The following MYZAP variants were observed in gnomAD, a reference collection of about 807,000 sequenced individuals.
MYZAP encodes GRINL1A complex locus upstream.
A neutral mutation model predicts 69.4 loss-of-function variants in MYZAP; 66 were observed. The observed-to-expected ratio is 0.95, with a 90% CI of 0.78 to 1.17. The LOEUF is 1.17. MYZAP is among the 50% of genes most tolerant of loss of function. MYZAP has a pLI of 0.00. For missense variants in MYZAP, 611 were observed against 556.2 expected (o/e 1.10, Z -0.99); for synonymous variants, 256 against 205.9 (o/e 1.24, Z -2.09).
At position 57,657,735 on chromosome 15, in the gene MYZAP, A is replaced by G. The variant is rs934589850; in HGVS notation, c.1120-3715A>G. On this transcript the variant is annotated intron_variant, in intron 10 of 12. Coordinates refer to ENST00000267853, the MANE Select transcript of MYZAP (RefSeq NM_001018100.5). ...ATCTTTATATATAGAGCTTTTTCCTATGTTTGAATTATATCCTTAGGATAA... is the reference window on the plus strand; with the variant it reads ...ATCTTTATATATAGAGCTTTTTCCTGTGTTTGAATTATATCCTTAGGATAA... Among the ~76,000 whole-genome samples the G allele has an allele frequency of 2.1e-4, 32 of 152,118 alleles. 1 individual carries two copies. Among genetic ancestry groups the G allele is most frequent in the African/African-American group, 7.5e-4 (31 of 41,420 alleles).
chr15:57,607,058 A>G (rs2034798738), intron 2 of MYZAP, among the ~76,000 whole-genome samples: 1 of 152,196 alleles, frequency 6.6e-6, no homozygotes. Context: ...TTTAGAGCTA[A>G]TGGCTTGGTC....
chr15:57,670,290 C>T (rs1192002547), intron 11 of MYZAP, among the ~76,000 whole-genome samples: 6 of 151,984 alleles, frequency 3.9e-5, no homozygotes, highest in Non-Finnish European at 7.4e-5. Context: ...GGTATATACA[C>T]ATTTTTGTTA....
At chr15:57,606,491 C>A (rs1324489864) in intron 2 of MYZAP, among the ~76,000 whole-genome samples, 1 of 145,392 alleles carries the variant, frequency 6.9e-6, no homozygotes, top group African/African-American at 2.6e-5. Context: ...ATGAGTGAAC[C>A]TGGATTAGAT....
intron 5 of MYZAP, among the ~76,000 whole-genome samples, chr15:57,626,269 C>T (rs1466206765): frequency 1.3e-5 from 2 of 152,142 alleles, no homozygotes; most frequent in Non-Finnish European, 2.9e-5. Flanking sequence ...ACAGACTTCA[C>T]TAAGGACAAT....
At chr15:57,607,797 C>T (rs2034850097) in intron 2 of MYZAP, among the ~76,000 whole-genome samples, 1 of 152,178 alleles carries the variant, frequency 6.6e-6, no homozygotes, top group Non-Finnish European at 1.5e-5. Flanking sequence ...GGTGGCAGCC[C>T]TTGAAGTTTC....
At chr15:57,621,463 C>A in intron 3 of MYZAP, 145 bp from the exon 4 acceptor site, 1 of 702,894 alleles carries the variant, frequency 1.4e-6, no homozygotes, top group Non-Finnish European at 2.1e-6. Context: ...CCGCCTGCCT[C>A]GGCCTCCCAA....
chr15:57,615,159 C>A (rs935094564), intron 2 of MYZAP, among the ~76,000 whole-genome samples: 1 of 151,978 alleles, frequency 6.6e-6, no homozygotes, highest in Non-Finnish European at 1.5e-5. Context: ...ATGCTTTTTT[C>A]TTTTTGCCAA....
intron 2 of MYZAP, among the ~76,000 whole-genome samples, chr15:57,614,641 C>T (rs1313249508): frequency 1.3e-5 from 2 of 152,128 alleles, no homozygotes; most frequent in Non-Finnish European, 2.9e-5. Context: ...GTGGAAAGAG[C>T]CCCCCATCCT....
intron 10 of MYZAP, among the ~76,000 whole-genome samples, chr15:57,656,647 C>G (rs188361024): frequency 5.3e-4 from 81 of 152,276 alleles, no homozygotes; most frequent in African/African-American, 1.9e-3. Context: ...GGGCAGACCA[C>G]TGGGGAGACT....
chr15:57,632,830 A>C (rs1348775345), intron 7 of MYZAP, among the ~76,000 whole-genome samples: 1 of 152,160 alleles, frequency 6.6e-6, no homozygotes, highest in Non-Finnish European at 1.5e-5. Flanking sequence ...CCAGCATCTA[A>C]GCAAACCCTG....
intron 10 of MYZAP, chr15:57,648,545 G>T: frequency 1.1e-6 from 1 of 891,064 alleles, no homozygotes; most frequent in African/African-American, 1.8e-5. Flanking sequence ...TTTTAAGCAT[G>T]GGAAACTGAG....
In MYZAP at chr15:57,611,557, G is replaced by A. The variant is rs925572661; in HGVS notation, c.163-6476G>A. Among the ~76,000 whole-genome samples, 10 of 152,182 alleles carry A rather than the reference G, an allele frequency of 6.6e-5. No individual in the cohort carries two copies. In the East Asian group the frequency reaches 1.9e-3, roughly 30 times the overall value. On this transcript the variant is annotated intron_variant, in intron 2 of 12. Coordinates refer to ENST00000267853, the MANE Select transcript of MYZAP (RefSeq NM_001018100.5). Reference sequence around the variant, plus strand: ...CATGGAAGCTGTGCACTAGCGGTACGCTAGCACTCCTATCAGGCTGCTATC... The same window carrying A: ...CATGGAAGCTGTGCACTAGCGGTACACTAGCACTCCTATCAGGCTGCTATC...
At chr15:57,653,850 A>T (rs2037849001) in intron 10 of MYZAP, among the ~76,000 whole-genome samples, 1 of 151,716 alleles carries the variant, frequency 6.6e-6, no homozygotes, top group South Asian at 2.1e-4. Flanking sequence ...ACAAAAAATT[A>T]AAAAATTAGC....
chr15:57,668,041 A>G (rs1271808819), intron 11 of MYZAP, among the ~76,000 whole-genome samples: 2 of 152,208 alleles, frequency 1.3e-5, no homozygotes, highest in African/African-American at 2.4e-5. Context: ...ATTTCTAGAA[A>G]TGGAATCATA....
At chr15:57,637,006 C>A (rs1042570402) in intron 8 of MYZAP, among the ~76,000 whole-genome samples, 2 of 152,188 alleles carry the variant, frequency 1.3e-5, no homozygotes, top group African/African-American at 2.4e-5. Context: ...CACCTGTACT[C>A]CTCAACTTGT....
At chr15:57,638,022 A>T (rs2036917263) in intron 9 of MYZAP, among the ~76,000 whole-genome samples, 1 of 152,178 alleles carries the variant, frequency 6.6e-6, no homozygotes, top group African/African-American at 2.4e-5. Flanking sequence ...CAAGTGCAAA[A>T]GTTTGGTCTA....
intron 2 of MYZAP, among the ~76,000 whole-genome samples, chr15:57,614,620 G>A (rs1215392864): frequency 6.6e-6 from 1 of 152,220 alleles, no homozygotes; most frequent in African/African-American, 2.4e-5. Flanking sequence ...GGTTGGGGAT[G>A]GGCAGGGGAA....
rs114624443 is a variant in MYZAP, at chr15:57,644,591, C to T, written c.1119+5046C>T. On this transcript the variant is annotated intron_variant, in intron 10 of 12. Transcript: ENST00000267853. ...CTCCCAAGTAGATCGACTATAGGCA[C>T]GTGCACCCATGCCCAGCTAATTTTT... Among the ~76,000 whole-genome samples the T allele has an allele frequency of 2.9e-3, 440 of 152,182 alleles. 2 individuals are homozygous for T. The highest frequency in any genetic ancestry group is 0.01 in the African/African-American group (428 of 41,514).
chr15:57,679,375 T>TGTGTGTGTGTGTGTGTGTGTG (rs1555465672), intron 12 of MYZAP, among the ~76,000 whole-genome samples: 13 of 115,006 alleles, frequency 1.1e-4, no homozygotes, highest in Non-Finnish European at 1.8e-4. Flanking sequence ...TGTGTGTGTG[T>TGTGTGTGTGTGTGTGTGTGTG]TTCTCTCTCT....
Sources: gnomAD v4.1 joint callset for allele counts (sites outside exome capture counted in the v4.1 genomes callset) on GRCh38, gnomAD v4.1.1 for gene constraint, MANE v1.5 for transcripts, NCBI Gene and HGNC (gene_info 2026-07-23, HGNC 2026-07-21) for gene names.